The following MACF1 variants were observed in gnomAD, a reference collection of about 807,000 sequenced individuals.
The protein encoded by MACF1 is microtubule actin crosslinking factor 1.
A neutral mutation model predicts 854.8 loss-of-function variants in MACF1; 193 were observed. That is an observed-to-expected ratio of 0.23 (90% CI 0.20 to 0.25). MACF1 has a LOEUF of 0.25. MACF1 is among the 10% of genes least tolerant of loss of function. The pLI, the probability that MACF1 is intolerant of heterozygous loss-of-function variation, is 1.00. For missense variants in MACF1, 7,722 were observed against 8,929.1 expected, an observed-to-expected ratio of 0.86 and a Z score of 5.45; for synonymous variants, 3,185 against 3,226.7, an observed-to-expected ratio of 0.99 and a Z score of 0.44.
chr1:39,387,991 A>G lies in MACF1; in HGVS notation c.15149A>G (p.Glu5050Gly), dbSNP rs757882652. The G allele has an allele frequency of 2.5e-6, 4 of 1,614,140 alleles. No homozygotes were observed. Among genetic ancestry groups the G allele is most frequent in the Non-Finnish European group, 3.4e-6 (4 of 1,180,024 alleles). The change falls in exon 58 of 101, where the codon GAG (glutamate) becomes GGG (glycine). Residue 5050 changes from glutamate to glycine, a missense_variant. Glu to Gly is a moderately conservative substitution (Grantham distance 98, BLOSUM62 -2). Around this residue, in one of 15 missense-constraint regions of MACF1, gnomAD observed 2,807 missense variants for 3,235.8 expected, o/e 0.87. Transcript: ENST00000564288. The stretch of plus-strand genomic sequence containing the variant: ...CAAGCCTGTAGCAACAAGAACCTGG[A>G]GAAGCTAAGAGCTCAACAGGAAGTG... Reference protein sequence around the residue: ...GSQACSNKNLEKLRAQQEVLQ... With the variant: ...GSQACSNKNLGKLRAQQEVLQ...
intron 30 of MACF1, among the ~76,000 whole-genome samples, chr1:39,319,066 G>T (rs1368238299): frequency 1.3e-5 from 2 of 151,798 alleles, no homozygotes; most frequent in Non-Finnish European, 2.9e-5. Context: ...GAGATCTGGA[G>T]TTGTATTGCC....
chr1:39,463,795 T>A, intron 94 of MACF1, 109 bp downstream of exon 94: 14 of 934,666 alleles, frequency 1.5e-5, no homozygotes, highest in Middle Eastern at 2.2e-4. Context: ...ACTTGAGATG[T>A]GGTCACTCTC....
chr1:39,291,839 A>G, intron 15 of MACF1, 71 bp from the exon 16 acceptor site: 4 of 1,513,086 alleles, frequency 2.6e-6, no homozygotes, highest in Non-Finnish European at 3.5e-6. Flanking sequence ...CCTTGTCCTA[A>G]CATTGGTTCT....
At chr1:39,378,721 T>C (rs1328396660) in intron 53 of MACF1, among the ~76,000 whole-genome samples, 198 bp downstream of exon 53, 2 of 152,166 alleles carry the variant, frequency 1.3e-5, no homozygotes, top group Non-Finnish European at 2.9e-5. Flanking sequence ...CTAAAGGTAT[T>C]GTAGAAATAC....
chr1:39,176,126 A>AAAAAAAAAAAAAAAATT (rs1398154427), intron 2 of MACF1, among the ~76,000 whole-genome samples: 1 of 129,504 alleles, frequency 7.7e-6, no homozygotes, highest in Non-Finnish European at 1.7e-5. Context: ...AAAAAAAAAA[A>AAAAAAAAAAAAAAAATT]AGCCAGGTGT....
Position 39,303,004 on chromosome 1 carries a change from G to C in MACF1, c.2715G>C (p.Gly905=), listed in dbSNP as rs1646081322. Residue 905 remains glycine, a synonymous_variant, in exon 23 of 101, where the codon GGG becomes GGC. Coordinates refer to ENST00000564288, the MANE Select transcript of MACF1 (RefSeq NM_001394062.1). ...AATGGAAAGTGATCAGCCCCACAGG[G>C]AACGAGGCAATGGTGCCGTCAGTCT... is the stretch of plus-strand genomic sequence containing the variant. ...RTKWKVISPT[G]NEAMVPSVCF... 6.2e-7 allele frequency: 1 copy of C among 1,614,178 alleles called. No homozygotes were observed. Among genetic ancestry groups the C allele is most frequent in the East Asian group, 2.2e-5 (1 of 44,880 alleles).
intron 15 of MACF1, among the ~76,000 whole-genome samples, chr1:39,291,014 C>T (rs1645772503): frequency 6.6e-6 from 1 of 151,686 alleles, no homozygotes; most frequent in Non-Finnish European, 1.5e-5. Flanking sequence ...CTCCGTCACC[C>T]AGGCTGGAGT....
chr1:39,321,024 ACT>A (rs1646505875), intron 31 of MACF1, among the ~76,000 whole-genome samples: 1 of 152,162 alleles, frequency 6.6e-6, no homozygotes, highest in Non-Finnish European at 1.5e-5. Context: ...TTATTCTGTG[ACT>A]CTTACTAGAA....
intron 13 of MACF1, 29 bp from the exon 14 acceptor site, chr1:39,285,575 C>G: frequency 4.4e-6 from 7 of 1,605,294 alleles, no homozygotes; most frequent in Non-Finnish European, 6.0e-6. Flanking sequence ...TGGAAGTTTT[C>G]CCACTGTTAT....
At chr1:39,168,730 A>G (rs1027804820) in intron 2 of MACF1, among the ~76,000 whole-genome samples, 1 of 152,190 alleles carries the variant, frequency 6.6e-6, no homozygotes, top group African/African-American at 2.4e-5. Context: ...GGGGATAATA[A>G]TATCTTCCAT....
At chr1:39,134,951 C>G (rs112375519) in intron 2 of MACF1, among the ~76,000 whole-genome samples, 24 of 152,292 alleles carry the variant, frequency 1.6e-4, no homozygotes, top group African/African-American at 5.5e-4. Context: ...CACCTTCCCC[C>G]TCCTTAGCCC....
At chr1:39,298,876 A>G (rs543000235) in intron 21 of MACF1, among the ~76,000 whole-genome samples, 1 of 151,378 alleles carries the variant, frequency 6.6e-6, no homozygotes, top group East Asian at 2.0e-4. Flanking sequence ...ACTCCTCTGC[A>G]GTGGTTGTCA....
chr1:39,475,468 C>CAA (rs71691475), intron 97 of MACF1, among the ~76,000 whole-genome samples: 1,302 of 121,066 alleles, frequency 0.011, 16 homozygotes, highest in African/African-American at 0.023. Context: ...GACCCTGTCT[C>CAA]AAAAAAAAAA....
chr1:39,252,906 TTA>T (rs1226194118), intron 4 of MACF1, among the ~76,000 whole-genome samples: 1 of 152,198 alleles, frequency 6.6e-6, no homozygotes, highest in Admixed American at 6.5e-5. Flanking sequence ...GCTTCCATCC[TTA>T]TCTCTCCATG....
In MACF1 at chr1:39,337,562, A is replaced by ATTTTTT. The variant is rs35312351; in HGVS notation, c.10215+247_10215+252dup. Among the ~76,000 whole-genome samples the ATTTTTT allele has an allele frequency of 2.0e-3, 200 of 100,142 alleles. 5 individuals are homozygous for ATTTTTT. Among genetic ancestry groups the ATTTTTT allele is most frequent in the Non-Finnish European group, 2.5e-3 (131 of 53,082 alleles). The allele number at this position is 100,142 out of a possible 152,430, so 65.7% of individuals were successfully genotyped here. On this transcript the variant is annotated intron_variant, in intron 38 of 100. Coordinates refer to ENST00000564288, the MANE Select transcript of MACF1 (RefSeq NM_001394062.1). ...TTTGGCTATCAATGTAATTACTACCATTTTTTTTTTTTTTTTTTTTTGAGA... is the reference window on the plus strand; with the variant it reads ...TTTGGCTATCAATGTAATTACTACCATTTTTTTTTTTTTTTTTTTTTTTTTTTGAGA...
intron 6 of MACF1, among the ~76,000 whole-genome samples, chr1:39,258,353 G>T (rs1645119462): frequency 2.0e-5 from 3 of 152,190 alleles, no homozygotes; most frequent in Non-Finnish European, 2.9e-5. Context: ...CAGAATATGA[G>T]GGTTGAGAAA....
intron 1 of MACF1, among the ~76,000 whole-genome samples, chr1:39,211,257 C>G (rs1239230503): frequency 6.6e-6 from 1 of 152,064 alleles, no homozygotes; most frequent in Non-Finnish European, 1.5e-5. Flanking sequence ...CATGAGCCAC[C>G]ACGCCCAGCC....
intron 15 of MACF1, among the ~76,000 whole-genome samples, chr1:39,289,975 C>T (rs1645742982): frequency 6.6e-6 from 1 of 152,124 alleles, no homozygotes; most frequent in African/African-American, 2.4e-5. Flanking sequence ...GCTGGGATTA[C>T]AGGCGTGAGC....
At position 39,335,962 on chromosome 1, in the gene MACF1, G is replaced by T. The variant is rs751915843; in HGVS notation, c.9374G>T (p.Gly3125Val). Residue 3125 changes from glycine to valine, a missense_variant, in exon 37 of 101, where the codon GGC (glycine) becomes GTC (valine). This residue lies in a region of MACF1 where 854 missense variants were observed against 852.6 expected (regional missense o/e 1.00). Transcript: ENST00000564288. Reference sequence around the variant, plus strand: ...TCAGATGGAAAAGCCCAAGTGACAGGCCCATCCCAAATTTCCAAAACAGAC... The same window carrying T: ...TCAGATGGAAAAGCCCAAGTGACAGTCCCATCCCAAATTTCCAAAACAGAC... ...QESDGKAQVT[G>V]PSQISKTDKS... 1.2e-6 allele frequency: 2 copies of T among 1,614,044 alleles called. No homozygotes were observed. Among genetic ancestry groups the T allele is most frequent in the Non-Finnish European group, 8.5e-7 (1 of 1,179,998 alleles).
Sources: allele counts gnomAD v4.1 joint callset (sites outside exome capture counted in the v4.1 genomes callset), GRCh38; gene constraint gnomAD v4.1.1; regional missense constraint gnomAD v4.1.1; transcripts MANE v1.5; gene names NCBI Gene and HGNC (gene_info 2026-07-23, HGNC 2026-07-21).